APBB1IP: variants seen among roughly 807,000 people sequenced by gnomAD.
APBB1IP encodes amyloid beta A4 precursor protein-binding family B member 1-interacting protein.
Under a neutral mutation model 64.9 loss-of-function variants are expected in APBB1IP, and 27 were observed. The observed-to-expected ratio is 0.42, with a 90% CI of 0.31 to 0.57. The LOEUF (loss-of-function observed/expected upper bound fraction) is 0.57, where lower values mean the gene tolerates loss of function less well. APBB1IP is among the 20% of genes least tolerant of loss of function. APBB1IP has a pLI of 0.20. For missense variants in APBB1IP, 812 were observed against 845.5 expected, an observed-to-expected ratio of 0.96 and a Z score of 0.49; for synonymous variants, 392 against 331.0, an observed-to-expected ratio of 1.18 and a Z score of -2.00.
chr10:26,529,373 G>GT (rs1836519614), intron 8 of APBB1IP, among the ~76,000 whole-genome samples: 2 of 152,196 alleles, frequency 1.3e-5, no homozygotes, highest in South Asian at 2.1e-4. Context: ...TTTGCTTTGT[G>GT]TTTTTTGCTA....
At chr10:26,522,381 C>G (rs918269392) in intron 8 of APBB1IP, among the ~76,000 whole-genome samples, 3 of 152,206 alleles carry the variant, frequency 2.0e-5, no homozygotes, top group Admixed American at 1.3e-4. Flanking sequence ...GTTATTATCA[C>G]CCAAAGTCCA....
intron 2 of APBB1IP, among the ~76,000 whole-genome samples, chr10:26,477,690 A>G (rs1344454844): frequency 6.6e-6 from 1 of 152,190 alleles, no homozygotes; most frequent in African/African-American, 2.4e-5. Context: ...GGCGAATAAC[A>G]CGGCCTCGAC....
intron 2 of APBB1IP, among the ~76,000 whole-genome samples, chr10:26,454,586 G>C (rs376749842): frequency 2.6e-5 from 4 of 152,140 alleles, no homozygotes; most frequent in Middle Eastern, 3.2e-3. Context: ...TAGCTGGGGT[G>C]GGGGAGATGT....
chr10:26,448,575 G>T (rs1029289666), intron 2 of APBB1IP, among the ~76,000 whole-genome samples: 1 of 152,138 alleles, frequency 6.6e-6, no homozygotes, highest in African/African-American at 2.4e-5. Flanking sequence ...GAATTCTAAA[G>T]TATTCAGAAT....
At chr10:26,448,482 G>C (rs1012649370) in intron 2 of APBB1IP, among the ~76,000 whole-genome samples, 4 of 152,172 alleles carry the variant, frequency 2.6e-5, no homozygotes, top group Admixed American at 2.6e-4. Context: ...TGGCTGAATT[G>C]GGCAGTGCAG....
intron 2 of APBB1IP, among the ~76,000 whole-genome samples, chr10:26,445,188 G>A (rs1028963052): frequency 7.4e-6 from 1 of 136,032 alleles, no homozygotes. Context: ...AAGAAAGAAA[G>A]AAAGAAAAGG....
At chr10:26,524,464 C>A (rs151096058) in intron 8 of APBB1IP, among the ~76,000 whole-genome samples, 13 of 152,056 alleles carry the variant, frequency 8.5e-5, no homozygotes, top group Admixed American at 7.2e-4. Context: ...TGAGCCAATA[C>A]GAGTGATTGA....
At position 26,567,308 on chromosome 10, in the gene APBB1IP, G is replaced by GCCCGCGCCCGCC. The variant is rs1213209351; in HGVS notation, c.1826_1837dup (p.Ala609_Pro612dup). On this transcript the variant is annotated inframe_insertion, in exon 15 of 15. Coordinates refer to ENST00000376236, the MANE Select transcript of APBB1IP (RefSeq NM_019043.4). Reference sequence around the variant, plus strand: ...CCCCGCCGCCGCCGCCGCCGCCCGCGCCCGCGCCCGCCCCCGTCCCCGACT... The same window carrying GCCCGCGCCCGCC: ...CCCCGCCGCCGCCGCCGCCGCCCGCGCCCGCGCCCGCCCCCGCGCCCGCCCCCGTCCCCGACT... The GCCCGCGCCCGCC allele has an allele frequency of 4.6e-5, 51 of 1,120,030 alleles. No individual in the cohort carries two copies. The African/African-American group carries it at 7.6e-4, about 17-fold the overall frequency. 69.4% of individuals were successfully genotyped at this position (1,120,030 alleles called of 1,614,324 possible). A position where few individuals can be genotyped will look rare whatever the true frequency, so the allele number is the denominator to read the frequency against.
intron 2 of APBB1IP, among the ~76,000 whole-genome samples, chr10:26,486,124 C>T (rs542777159): frequency 3.9e-5 from 6 of 152,018 alleles, no homozygotes; most frequent in Admixed American, 2.0e-4. Context: ...TAAAAGGCCC[C>T]GAATGGGACA....
rs761040840 is a variant in APBB1IP, at chr10:26,567,401, G to A, written c.1914G>A (p.Gly638=). 4.4e-6 allele frequency: 7 copies of A among 1,598,648 alleles called. No individual in the cohort carries two copies. Among genetic ancestry groups the A allele is most frequent in the Non-Finnish European group, 6.0e-6 (7 of 1,170,450 alleles). The part of the protein sequence containing the change: ...PVPPKRQENP[G]HPGGAGGGEQ... Reference sequence around the variant, plus strand: ...CCCCCAAGAGGCAAGAGAACCCAGGGCACCCCGGCGGAGCAGGAGGCGGGG... The same window carrying A: ...CCCCCAAGAGGCAAGAGAACCCAGGACACCCCGGCGGAGCAGGAGGCGGGG... The change falls in exon 15 of 15, where the codon GGG becomes GGA. Residue 638 remains glycine (G), a synonymous_variant. Coordinates refer to ENST00000376236, the MANE Select transcript of APBB1IP (RefSeq NM_019043.4).
intron 4 of APBB1IP, among the ~76,000 whole-genome samples, chr10:26,500,223 A>AAG (rs1554775671): frequency 5.3e-5 from 8 of 151,770 alleles, no homozygotes; most frequent in African/African-American, 1.9e-4. Context: ...AAAAAAAAAA[A>AAG]AAAGAAAGAA....
At chr10:26,492,514 C>A in intron 3 of APBB1IP, 116 bp downstream of exon 3, 1 of 861,134 alleles carries the variant, frequency 1.2e-6, no homozygotes, top group Non-Finnish European at 1.8e-6. Context: ...GGAACCAGCC[C>A]CCGATATTTC....
intron 11 of APBB1IP, among the ~76,000 whole-genome samples, chr10:26,548,762 A>T (rs1014750321): frequency 6.6e-6 from 1 of 152,122 alleles, no homozygotes; most frequent in African/African-American, 2.4e-5. Context: ...GAGATTTTCT[A>T]CATATGAGAT....
intron 11 of APBB1IP, among the ~76,000 whole-genome samples, chr10:26,544,700 G>A (rs1836738693): frequency 6.6e-6 from 1 of 152,214 alleles, no homozygotes; most frequent in Non-Finnish European, 1.5e-5. Flanking sequence ...TAGACACAGT[G>A]AACAGGGGAG....
chr10:26,534,432 TTTTCCTGAGTTAGTAAA>T (rs1165678989), intron 9 of APBB1IP, among the ~76,000 whole-genome samples: 5 of 152,120 alleles, frequency 3.3e-5, no homozygotes, highest in African/African-American at 7.2e-5. Context: ...TCCATGGACC[TTTTCCTGAGTTAGTAAA>T]TTTCCTGAGT....
chr10:26,506,456 C>G (rs1304657179), intron 6 of APBB1IP, among the ~76,000 whole-genome samples: 4 of 152,258 alleles, frequency 2.6e-5, no homozygotes, highest in African/African-American at 4.8e-5. Context: ...CTATGTTGCC[C>G]AGGCTGGTCT....
At chr10:26,541,457 A>G (rs1836695909) in intron 10 of APBB1IP, 125 bp from the exon 11 acceptor site, 1 of 704,486 alleles carries the variant, frequency 1.4e-6, no homozygotes, top group African/African-American at 1.8e-5. Flanking sequence ...ATGTTTATAT[A>G]AATTACCTAA....
At chr10:26,521,317 G>A (rs1162212399) in intron 8 of APBB1IP, among the ~76,000 whole-genome samples, 1 of 152,172 alleles carries the variant, frequency 6.6e-6, no homozygotes, top group Non-Finnish European at 1.5e-5. Context: ...TGATCCTTGG[G>A]TATAAGAACA....
At chr10:26,513,723 C>T (rs535915627) in intron 8 of APBB1IP, 63 bp downstream of exon 8, 59 of 1,483,488 alleles carry the variant, frequency 4.0e-5, no homozygotes, top group South Asian at 1.5e-4. Context: ...TTTTTTGAGA[C>T]GGAGTCTCAA....
Sources: allele counts gnomAD v4.1 joint callset (sites outside exome capture counted in the v4.1 genomes callset), GRCh38; gene constraint gnomAD v4.1.1; transcripts MANE v1.5; gene names NCBI Gene and HGNC (gene_info 2026-07-23, HGNC 2026-07-21).